DNAJB13: variants seen among roughly 807,000 people sequenced by gnomAD.
DNAJB13 encodes dnaJ homolog subfamily B member 13.
DNAJB13 carries 22 observed loss-of-function variants against 35.6 expected under a neutral mutation model. That is an observed-to-expected ratio of 0.62 (90% CI 0.44 to 0.88). The LOEUF (loss-of-function observed/expected upper bound fraction) is 0.88. DNAJB13 is among the 40% of genes least tolerant of loss of function. The pLI is 0.00. For synonymous variants in DNAJB13, 136 were observed against 144.2 expected (o/e 0.94, Z 0.41); for missense variants, 370 against 384.3 (o/e 0.96, Z 0.31).
rs760658331 is a variant in DNAJB13 at position 73,969,993 on chromosome 11, G to A, written c.830G>A (p.Gly277Glu). 2 of 1,611,532 alleles carry A rather than the reference G, an allele frequency of 1.2e-6. No individual in the cohort carries two copies. Among genetic ancestry groups the A allele is most frequent in the Non-Finnish European group, 1.7e-6 (2 of 1,178,736 alleles). ...PKYFKKVPGE[G>E]MPLPEDPTKK... ...TACTTCAAGAAGGTGCCAGGGGAGG[G>A]GATGCCATTGCCGGAGGACCCCACT... The change falls in exon 8 of 8, where the codon GGG becomes GAG. Residue 277 changes from glycine to glutamate, a missense_variant. Gly to Glu is a moderately conservative substitution (Grantham distance 98). Coordinates refer to ENST00000339764, the MANE Select transcript of DNAJB13 (RefSeq NM_153614.4).
intron 1 of DNAJB13, among the ~76,000 whole-genome samples, chr11:73,957,537 G>A (rs1399028439): frequency 6.6e-6 from 1 of 152,184 alleles, no homozygotes; most frequent in African/African-American, 2.4e-5. Flanking sequence ...CAGGCCAGCT[G>A]GTACGACTTG....
At chr11:73,956,577 C>T (rs1001348200) in intron 1 of DNAJB13, among the ~76,000 whole-genome samples, 9 of 151,886 alleles carry the variant, frequency 5.9e-5, no homozygotes, top group Non-Finnish European at 1.0e-4. Context: ...CTGTGGTGGG[C>T]GGATCACCTG....
intron 3 of DNAJB13, among the ~76,000 whole-genome samples, chr11:73,962,391 T>A (rs889603496): frequency 9.6e-6 from 1 of 104,322 alleles, no homozygotes; most frequent in Non-Finnish European, 1.7e-5. Flanking sequence ...TATGAATGAA[T>A]AGACGAGCAC....
At chr11:73,954,887 G>T (rs1403132760) in intron 1 of DNAJB13, among the ~76,000 whole-genome samples, 1 of 152,026 alleles carries the variant, frequency 6.6e-6, no homozygotes, top group African/African-American at 2.4e-5. Flanking sequence ...GGAGGTGGAG[G>T]TTGCAGTGAA....
chr11:73,965,845 A>G (rs939655975), intron 4 of DNAJB13: 3 of 379,266 alleles, frequency 7.9e-6, no homozygotes, highest in Non-Finnish European at 1.5e-5. Context: ...ACTAATGGTG[A>G]CTGCTTGGCA....
rs1318519833 is a variant in DNAJB13, at chr11:73,951,220, C to T, written c.68+83C>T. ...CTCTTCCAAAACGAGCTTTCCTGCACAGCTTAGCGCAGACAAGGTAAACCT... is the reference window on the plus strand; with the variant it reads ...CTCTTCCAAAACGAGCTTTCCTGCATAGCTTAGCGCAGACAAGGTAAACCT... On this transcript the variant is annotated intron_variant, in intron 1 of 7. Transcript: ENST00000339764. 3 of 1,494,148 alleles carry T rather than the reference C, an allele frequency of 2.0e-6. No homozygotes were observed. In the Admixed American group the frequency reaches 5.3e-5, roughly 26 times the overall value. 92.6% of individuals were successfully genotyped at this position (1,494,148 alleles called of 1,614,324 possible).
chr11:73,962,844 G>C (rs976657081), intron 3 of DNAJB13, among the ~76,000 whole-genome samples: 2 of 152,172 alleles, frequency 1.3e-5, no homozygotes, highest in African/African-American at 4.8e-5. Flanking sequence ...CTCCACGTGA[G>C]ACTGAAAACA....
intron 3 of DNAJB13, among the ~76,000 whole-genome samples, chr11:73,962,987 A>G (rs1177507876): frequency 2.6e-5 from 4 of 152,204 alleles, no homozygotes; most frequent in Non-Finnish European, 5.9e-5. Flanking sequence ...AATAATCATT[A>G]AGGCTCAAGG....
intron 3 of DNAJB13, chr11:73,964,007 A>G (rs1238080948): frequency 6.6e-6 from 1 of 152,220 alleles, no homozygotes; most frequent in Non-Finnish European, 1.5e-5. Flanking sequence ...TCCCTGGACC[A>G]ATGAAATAAT....
chr11:73,953,042 A>T (rs2135271475), intron 1 of DNAJB13, among the ~76,000 whole-genome samples: 1 of 152,310 alleles, frequency 6.6e-6, no homozygotes, highest in South Asian at 2.1e-4. Context: ...CCTGGGCATC[A>T]TAGGGAGACC....
Position 73,965,011 on chromosome 11 carries a change from CAA to C in DNAJB13, c.474_475del (p.Lys158AsnfsTer2). The stretch of plus-strand genomic sequence containing the variant: ...TGGAGGACTTATTCTTTGGCTGCAC[CAA>C]AAAAATTAAGATCTCCAGAAGGGTG... The part of the protein sequence containing the change: ...SLEDLFFGCT[K>X]KIKISRRVLN... On this transcript the variant is annotated frameshift_variant, in exon 4 of 8. Coordinates refer to ENST00000339764, the MANE Select transcript of DNAJB13 (RefSeq NM_153614.4). LOFTEE classifies it high-confidence loss of function. The C allele has an allele frequency of 6.3e-7, 1 of 1,591,966 alleles. No individual in the cohort carries two copies. Among genetic ancestry groups the C allele is most frequent in the Admixed American group, 1.8e-5 (1 of 54,378 alleles).
At chr11:73,955,984 C>T (rs549881721) in intron 1 of DNAJB13, among the ~76,000 whole-genome samples, 5 of 129,382 alleles carry the variant, frequency 3.9e-5, no homozygotes, top group South Asian at 2.4e-4. Context: ...GCTTCCTGTC[C>T]GCAGTAAGAG....
At position 73,968,381 on chromosome 11, in the gene DNAJB13, G is replaced by A. The variant is rs142619992; in HGVS notation, c.643G>A (p.Val215Ile). The A allele has an allele frequency of 2.7e-5, 43 of 1,613,992 alleles. No individual in the cohort carries two copies. The highest frequency in any genetic ancestry group is 1.6e-4 in the Middle Eastern group (1 of 6,084). The change falls in exon 6 of 8, where the codon GTA becomes ATA. Residue 215 changes from valine (V) to isoleucine (I), a missense_variant. Physicochemically the swap from Val to Ile is conservative, Grantham distance 29. Transcript: ENST00000339764. Reference sequence around the variant, plus strand: ...CATCCCAGCAGACATCATTTTCATCGTAAAGGAGAAGCTACACCCTCGCTT... The same window carrying A: ...CATCCCAGCAGACATCATTTTCATCATAAAGGAGAAGCTACACCCTCGCTT... ...NIIPADIIFI[V>I]KEKLHPRFRR... is the part of the protein sequence containing the mutation.
In DNAJB13 at chr11:73,954,338, A is replaced by T. The variant is rs1418531819; in HGVS notation, c.68+3201A>T. On this transcript the variant is annotated intron_variant, in intron 1 of 7. Coordinates refer to ENST00000339764, the MANE Select transcript of DNAJB13 (RefSeq NM_153614.4). ...GAGACTTCGTCTCAAAAAAATAAAT[A>T]AAAAAAAGTAGGCCGGGCGCAGTGG... Among the ~76,000 whole-genome samples, 6 of 147,760 alleles carry T rather than the reference A, an allele frequency of 4.1e-5. No homozygotes were observed. In the East Asian group the frequency reaches 1.0e-3, roughly 25 times the overall value.
chr11:73,963,165 A>AAAAC (rs546266686), intron 3 of DNAJB13, among the ~76,000 whole-genome samples: 1 of 151,994 alleles, frequency 6.6e-6, no homozygotes, highest in Non-Finnish European at 1.5e-5. Flanking sequence ...ATCTCTACTA[A>AAAAC]AAACAAACAA....
At chr11:73,953,760 G>C (rs899277480) in intron 1 of DNAJB13, among the ~76,000 whole-genome samples, 1 of 151,870 alleles carries the variant, frequency 6.6e-6, no homozygotes, top group Non-Finnish European at 1.5e-5. Context: ...CAGGTACTGA[G>C]TATAAAACAA....
intron 3 of DNAJB13, chr11:73,959,908 G>A (rs568944026): frequency 9.5e-5 from 22 of 231,532 alleles, no homozygotes; most frequent in East Asian, 5.4e-4. Context: ...GACTACAGGC[G>A]CACGCTGCCA....
intron 3 of DNAJB13, among the ~76,000 whole-genome samples, chr11:73,962,298 G>A (rs1245162470): frequency 1.3e-5 from 2 of 151,638 alleles, no homozygotes; most frequent in African/African-American, 2.4e-5. Context: ...CCAAATCCCA[G>A]CCTAGCATCT....
chr11:73,956,745 G>A (rs536442581), intron 1 of DNAJB13, among the ~76,000 whole-genome samples: 17 of 149,468 alleles, frequency 1.1e-4, no homozygotes, highest in African/African-American at 3.9e-4. Context: ...AGAGGTTGTA[G>A]TGAGTAGAGA....
Sources: gnomAD v4.1 joint callset for allele counts (sites outside exome capture counted in the v4.1 genomes callset) on GRCh38, gnomAD v4.1.1 for gene constraint, MANE v1.5 for transcripts, NCBI Gene and HGNC (gene_info 2026-07-23, HGNC 2026-07-21) for gene names.